FGF12: variants seen among roughly 807,000 people sequenced by gnomAD.
The protein encoded by FGF12 is fibroblast growth factor 12.
A neutral mutation model predicts 23.6 loss-of-function variants in FGF12; 14 were observed. That is an observed-to-expected ratio of 0.59 (90% confidence interval 0.39 to 0.93). FGF12 has a LOEUF of 0.93. FGF12 is among the 40% of genes least tolerant of loss of function. The pLI is 0.00. For missense variants in FGF12, 175 were observed against 217.8 expected (o/e 0.80, Z 1.24); for synonymous variants, 62 against 77.3 (o/e 0.80, Z 1.04).
chr3:192,378,113 C>CTT (rs60677581), intron 2 of FGF12, among the ~76,000 whole-genome samples: 5,495 of 93,020 alleles, frequency 0.059, 669 homozygotes, highest in East Asian at 0.082. Flanking sequence ...TTCCTTCTTT[C>CTT]TCTCTTTGTT....
rs115673909 is a variant in FGF12 at position 192,164,244 on chromosome 3, A to G, written c.427+6214T>C. Among the ~76,000 whole-genome samples the G allele has an allele frequency of 6.8e-3, 1,030 of 152,326 alleles. 13 individuals carry two copies. The highest frequency in any genetic ancestry group is 0.023 in the African/African-American group (962 of 41,584). On this transcript the variant is annotated intron_variant, in intron 5 of 5. Coordinates refer to ENST00000445105, the MANE Select transcript of FGF12 (RefSeq NM_004113.6). ...GGGAAGTTACTTATCTGTGCTTTGAACAATACTCTGAAAGGGCAGAATTGA... is the reference window on the plus strand; with the variant it reads ...GGGAAGTTACTTATCTGTGCTTTGAGCAATACTCTGAAAGGGCAGAATTGA...
chr3:192,420,303 ATACT>A (rs143530587), intron 2 of FGF12, among the ~76,000 whole-genome samples: 11,258 of 152,186 alleles, frequency 0.074, 726 homozygotes, highest in East Asian at 0.36. Flanking sequence ...TGAAAAGGAA[ATACT>A]TACTTTAAGT....
chr3:192,653,145 G>A (rs1716274959), intron 2 of FGF12, among the ~76,000 whole-genome samples: 1 of 152,232 alleles, frequency 6.6e-6, no homozygotes, highest in African/African-American at 2.4e-5. Context: ...GACAGTTACA[G>A]AAGAGACGGT....
chr3:192,585,674 G>A (rs1429997070), intron 2 of FGF12, among the ~76,000 whole-genome samples: 1 of 151,938 alleles, frequency 6.6e-6, no homozygotes, highest in Non-Finnish European at 1.5e-5. Context: ...GCCTTATCTT[G>A]CCATCCATGA....
intron 4 of FGF12, among the ~76,000 whole-genome samples, chr3:192,291,822 A>G (rs1294525582): frequency 6.6e-6 from 1 of 152,228 alleles, no homozygotes; most frequent in East Asian, 1.9e-4. Flanking sequence ...AAAGTTATGT[A>G]ACCTTTGACA....
chr3:192,262,669 T>C (rs1486974715), intron 4 of FGF12, among the ~76,000 whole-genome samples: 1 of 152,114 alleles, frequency 6.6e-6, no homozygotes, highest in Non-Finnish European at 1.5e-5. Context: ...AGGTGTGTAG[T>C]AGGCTCTCAC....
At chr3:192,289,359 A>T (rs1264840761) in intron 4 of FGF12, among the ~76,000 whole-genome samples, 1 of 152,160 alleles carries the variant, frequency 6.6e-6, no homozygotes, top group African/African-American at 2.4e-5. Flanking sequence ...AAGTGCTGTA[A>T]TGACAACAAA....
chr3:192,392,595 A>T (rs1455313962), intron 2 of FGF12, among the ~76,000 whole-genome samples: 1,704 of 24,768 alleles, frequency 0.069, 23 homozygotes, highest in East Asian at 0.33. Flanking sequence ...AAACTCCGAG[A>T]GAGAGAGAGA....
At chr3:192,194,389 T>C (rs866302128) in intron 4 of FGF12, among the ~76,000 whole-genome samples, 3 of 152,298 alleles carry the variant, frequency 2.0e-5, no homozygotes, top group Middle Eastern at 3.4e-3. Context: ...GTGAGAGCTA[T>C]GAAACTCTGG....
At chr3:192,184,334 T>C (rs1017275030) in intron 4 of FGF12, among the ~76,000 whole-genome samples, 1 of 152,224 alleles carries the variant, frequency 6.6e-6, no homozygotes, top group East Asian at 1.9e-4. Flanking sequence ...TGCTTACCGA[T>C]TAGAGTGAAT....
At chr3:192,436,402 G>A (rs1722031040) in intron 2 of FGF12, among the ~76,000 whole-genome samples, 1 of 152,140 alleles carries the variant, frequency 6.6e-6, no homozygotes, top group African/African-American at 2.4e-5. Flanking sequence ...AGTAAAACAC[G>A]GATCGCTGGG....
intron 2 of FGF12, among the ~76,000 whole-genome samples, chr3:192,457,327 A>G (rs1413835553): frequency 6.6e-6 from 1 of 152,220 alleles, no homozygotes; most frequent in Admixed American, 6.5e-5. Flanking sequence ...AGGCTGGAAC[A>G]CTTTGTAGGG....
At chr3:192,545,105 T>G (rs1357592340) in intron 2 of FGF12, among the ~76,000 whole-genome samples, 1 of 152,122 alleles carries the variant, frequency 6.6e-6, no homozygotes, top group East Asian at 1.9e-4. Flanking sequence ...GAAACACCTA[T>G]GAGAAGCAGC....
intron 4 of FGF12, among the ~76,000 whole-genome samples, chr3:192,215,008 T>C (rs1329891175): frequency 6.6e-6 from 1 of 152,190 alleles, no homozygotes; most frequent in Non-Finnish European, 1.5e-5. Context: ...TTAAGAGAGC[T>C]GCCTTACAAT....
intron 2 of FGF12, among the ~76,000 whole-genome samples, chr3:192,679,544 T>A (rs1283706693): frequency 6.6e-6 from 1 of 151,970 alleles, no homozygotes; most frequent in African/African-American, 2.4e-5. Flanking sequence ...AGTTTGAGGC[T>A]GCAGTGAGCT....
intron 2 of FGF12, among the ~76,000 whole-genome samples, chr3:192,620,775 A>AGCTCTGGATTCATT (rs1223825310): frequency 6.6e-6 from 1 of 152,136 alleles, no homozygotes; most frequent in African/African-American, 2.4e-5. Flanking sequence ...CAATGCAGTG[A>AGCTCTGGATTCATT]GCTCTGGATT....
intron 2 of FGF12, among the ~76,000 whole-genome samples, chr3:192,641,885 G>C (rs977935963): frequency 1.1e-4 from 17 of 152,170 alleles, no homozygotes; most frequent in African/African-American, 3.9e-4. Flanking sequence ...TGGCAACAGA[G>C]ACCACAGCAT....
At chr3:192,449,493 T>C (rs992264003) in intron 2 of FGF12, among the ~76,000 whole-genome samples, 6 of 152,190 alleles carry the variant, frequency 3.9e-5, no homozygotes, top group African/African-American at 1.4e-4. Flanking sequence ...GGTAAGCTCC[T>C]GTGCACCTGC....
At chr3:192,381,730 C>T (rs951432618) in intron 2 of FGF12, among the ~76,000 whole-genome samples, 1 of 152,098 alleles carries the variant, frequency 6.6e-6, no homozygotes, top group Admixed American at 6.5e-5. Context: ...AATAACACTC[C>T]ACACAAGGAC....
Sources: allele counts gnomAD v4.1 joint callset (sites outside exome capture counted in the v4.1 genomes callset), GRCh38; gene constraint gnomAD v4.1.1; transcripts MANE v1.5; gene names NCBI Gene and HGNC (gene_info 2026-07-23, HGNC 2026-07-21).